Variants in LPAR1 observed in about 807,000 individuals in gnomAD.
LPAR1 encodes lysophosphatidic acid receptor 1.
A neutral mutation model predicts 23.8 loss-of-function variants in LPAR1; 5 were observed. The ratio of observed to expected loss-of-function variants is 0.21; its 90% CI spans 0.11 to 0.44. LPAR1 has a LOEUF of 0.44. Among genes scored for constraint, LPAR1 ranks in the 20% least tolerant of loss-of-function variants. LPAR1 has a pLI of 0.99. For synonymous variants in LPAR1, 160 were observed against 164.7 expected (o/e 0.97, Z 0.22); for missense variants, 311 against 482.8 (o/e 0.64, Z 3.33).
intron 2 of LPAR1, among the ~76,000 whole-genome samples, chr9:110,992,039 T>C (rs1223656827): frequency 6.6e-6 from 1 of 151,742 alleles, no homozygotes; most frequent in Admixed American, 6.6e-5. Context: ...GCAGGATCTA[T>C]AAAGAACAAA....
At chr9:110,955,547 A>G (rs1204615229) in intron 4 of LPAR1, among the ~76,000 whole-genome samples, 2 of 152,170 alleles carry the variant, frequency 1.3e-5, no homozygotes, top group Non-Finnish European at 1.5e-5. Context: ...TTTAAACTAC[A>G]CTTTACACAA....
At chr9:110,943,389 G>GT (rs2095245908) in intron 4 of LPAR1, among the ~76,000 whole-genome samples, 1 of 151,732 alleles carries the variant, frequency 6.6e-6, no homozygotes, top group Non-Finnish European at 1.5e-5. Context: ...ATATCCATAG[G>GT]TTGTACACTA....
chr9:110,902,741 C>G (rs890802171), intron 5 of LPAR1, among the ~76,000 whole-genome samples: 2 of 151,906 alleles, frequency 1.3e-5, no homozygotes, highest in Non-Finnish European at 2.9e-5. Context: ...GATCCTGCCA[C>G]AAAAAAAGGC....
At chr9:110,878,525 G>C (rs1054073111) in intron 5 of LPAR1, among the ~76,000 whole-genome samples, 1 of 152,134 alleles carries the variant, frequency 6.6e-6, no homozygotes, top group African/African-American at 2.4e-5. Flanking sequence ...TCAGGTTACA[G>C]GACTTGAGAT....
intron 5 of LPAR1, among the ~76,000 whole-genome samples, chr9:110,887,550 A>T (rs1182794686): frequency 6.6e-6 from 1 of 152,166 alleles, no homozygotes; most frequent in Non-Finnish European, 1.5e-5. Flanking sequence ...TATGTGTCTA[A>T]GATATCTCTC....
At chr9:110,902,928 G>A (rs1387266498) in intron 5 of LPAR1, among the ~76,000 whole-genome samples, 1 of 152,152 alleles carries the variant, frequency 6.6e-6, no homozygotes, top group Non-Finnish European at 1.5e-5. Flanking sequence ...AGCAGCCCCA[G>A]ATAAACCAAG....
At chr9:110,939,726 C>A (rs963005188) in intron 5 of LPAR1, among the ~76,000 whole-genome samples, 3 of 152,104 alleles carry the variant, frequency 2.0e-5, no homozygotes, top group Non-Finnish European at 2.9e-5. Context: ...ATACAAAGGT[C>A]AAAATTAAAA....
intron 2 of LPAR1, among the ~76,000 whole-genome samples, chr9:110,976,241 C>T (rs1220704185): frequency 6.6e-6 from 1 of 151,282 alleles, no homozygotes; most frequent in African/African-American, 2.4e-5. Context: ...GTCTGTAATC[C>T]TAGCATTTTG....
At chr9:111,036,384 A>G (rs2097895245) in intron 1 of LPAR1, among the ~76,000 whole-genome samples, 183 bp from the exon 2 acceptor site, 1 of 151,968 alleles carries the variant, frequency 6.6e-6, no homozygotes, top group African/African-American at 2.4e-5. Flanking sequence ...AAGGAAAAAA[A>G]AAAAAAAAAG....
At chr9:110,985,710 C>G (rs1465074333) in intron 2 of LPAR1, among the ~76,000 whole-genome samples, 2 of 152,030 alleles carry the variant, frequency 1.3e-5, no homozygotes, top group Non-Finnish European at 2.9e-5. Flanking sequence ...CTGACACTTA[C>G]CAAAATAACC....
intron 5 of LPAR1, among the ~76,000 whole-genome samples, chr9:110,929,233 C>T (rs1379244658): frequency 6.6e-6 from 1 of 152,112 alleles, no homozygotes; most frequent in Non-Finnish European, 1.5e-5. Flanking sequence ...AAAGCCATGA[C>T]CACATTCAGT....
chr9:111,019,840 G>C (rs942792327), intron 2 of LPAR1, among the ~76,000 whole-genome samples: 4 of 152,008 alleles, frequency 2.6e-5, no homozygotes, highest in African/African-American at 9.7e-5. Context: ...GTGAGACTCC[G>C]TCTCAAAAAA....
chr9:110,936,842 G>T (rs60835118), intron 5 of LPAR1, among the ~76,000 whole-genome samples: 375 of 152,228 alleles, frequency 2.5e-3, no homozygotes, highest in African/African-American at 8.6e-3. Flanking sequence ...ATCCTGGACA[G>T]AAGTGTCATC....
chr9:110,917,598 T>A (rs1226097333), intron 5 of LPAR1, among the ~76,000 whole-genome samples: 1 of 152,162 alleles, frequency 6.6e-6, no homozygotes, highest in Non-Finnish European at 1.5e-5. Context: ...GTACTGAATG[T>A]GCCATAAAGA....
intron 2 of LPAR1, among the ~76,000 whole-genome samples, chr9:111,030,423 C>T (rs2097775432): frequency 6.6e-6 from 1 of 152,200 alleles, no homozygotes; most frequent in South Asian, 2.1e-4. Context: ...CCATCCTTAT[C>T]ATCTGCTGAT....
chr9:110,901,702 G>C (rs1002803819), intron 5 of LPAR1, among the ~76,000 whole-genome samples: 1 of 151,410 alleles, frequency 6.6e-6, no homozygotes, highest in Non-Finnish European at 1.5e-5. Context: ...TTCAAGATGA[G>C]ATTTGGGTGG....
intron 5 of LPAR1, among the ~76,000 whole-genome samples, chr9:110,896,610 G>T (rs2086416763): frequency 6.6e-6 from 1 of 152,032 alleles, no homozygotes; most frequent in Non-Finnish European, 1.5e-5. Context: ...ACAAAGGAAA[G>T]GATCCACAAG....
At chr9:110,932,719 T>C (rs2094483097) in intron 5 of LPAR1, among the ~76,000 whole-genome samples, 1 of 152,210 alleles carries the variant, frequency 6.6e-6, no homozygotes, top group South Asian at 2.1e-4. Flanking sequence ...GTGAACCCTA[T>C]TGTGATCTGC....
chr9:110,980,704 G>A (rs61044864), intron 2 of LPAR1, among the ~76,000 whole-genome samples: 4,238 of 151,872 alleles, frequency 0.028, 184 homozygotes, highest in African/African-American at 0.091. Flanking sequence ...AAGTTCTAGT[G>A]TTCTATAGAT....
Sources: allele counts gnomAD v4.1 joint callset (sites outside exome capture counted in the v4.1 genomes callset), GRCh38; gene constraint gnomAD v4.1.1; transcripts MANE v1.5; gene names NCBI Gene and HGNC (gene_info 2026-07-23, HGNC 2026-07-21).